TLK1: variants seen among roughly 807,000 people sequenced by gnomAD.
The protein encoded by TLK1 is serine/threonine-protein kinase tousled-like 1.
A neutral mutation model predicts 105.3 loss-of-function variants in TLK1; 24 were observed. The ratio of observed to expected loss-of-function variants is 0.23; its 90% confidence interval spans 0.17 to 0.32. TLK1 has a LOEUF of 0.32. Among genes scored for constraint, TLK1 ranks in the 10% least tolerant of loss-of-function variants. The pLI is 1.00. For missense variants in TLK1, 558 were observed against 910.5 expected (o/e 0.61, Z 4.98); for synonymous variants, 321 against 310.4 (o/e 1.03, Z -0.36).
At position 171,006,405 on chromosome 2, in the gene TLK1, A is replaced by G. The variant is rs528725292; in HGVS notation, c.1768+69T>C. 3.7e-5 allele frequency: 56 copies of G among 1,495,008 alleles called. 1 individual carries two copies. The Admixed American group carries it at 1.2e-3, about 32-fold the overall frequency. 92.6% of individuals were successfully genotyped at this position (1,495,008 alleles called of 1,614,324 possible). On this transcript the variant is annotated intron_variant, in intron 17 of 20. Coordinates refer to ENST00000431350, the MANE Select transcript of TLK1 (RefSeq NM_012290.5). ...GAGAAACCAAAAAACATGTTTTCAG[A>G]TAACTTAATGAATGACTTTTAAAAA...
In TLK1 at chr2:170,993,669, A is replaced by T. The variant is rs1683893265; in HGVS notation, c.*111T>A. The T allele has an allele frequency of 5.7e-5, 4 of 70,026 alleles. No homozygotes were observed. Among genetic ancestry groups the T allele is most frequent in the South Asian group, 6.1e-4 (2 of 3,298 alleles). The allele number at this position is 70,026 out of a possible 1,614,324, so 4.3% of individuals were successfully genotyped here. ...AACAGTTCTTAACCACGTCTTGTGTAAAAAAAAAAAAAAAAAAAAAAGAAA... is the reference window on the plus strand; with the variant it reads ...AACAGTTCTTAACCACGTCTTGTGTTAAAAAAAAAAAAAAAAAAAAAGAAA... On this transcript the variant is annotated 3_prime_UTR_variant, in exon 21 of 21. Transcript: ENST00000431350.
intron 11 of TLK1, chr2:171,045,951 A>C: frequency 2.5e-6 from 1 of 399,582 alleles, no homozygotes. Context: ...CCTCTTAGCT[A>C]CCTAGGTCTC....
At chr2:171,150,311 T>C (rs1364811100) in intron 1 of TLK1, among the ~76,000 whole-genome samples, 2 of 152,346 alleles carry the variant, frequency 1.3e-5, no homozygotes, top group Non-Finnish European at 2.9e-5. Context: ...AAGGAGGCTT[T>C]TACTCAGTTA....
At chr2:171,150,587 AT>A (rs1691993337) in intron 1 of TLK1, among the ~76,000 whole-genome samples, 1 of 152,218 alleles carries the variant, frequency 6.6e-6, no homozygotes, top group South Asian at 2.1e-4. Flanking sequence ...ATCAGAATTG[AT>A]TACCAACAAC....
chr2:171,012,801 T>C lies in TLK1; in HGVS notation c.1335-1347A>G, dbSNP rs185092669. Among the ~76,000 whole-genome samples, 5 of 152,282 alleles carry C rather than the reference T, an allele frequency of 3.3e-5. No individual in the cohort carries two copies. In the East Asian group the frequency reaches 5.8e-4, roughly 18 times the overall value. On this transcript the variant is annotated intron_variant, in intron 13 of 20. Coordinates refer to ENST00000431350, the MANE Select transcript of TLK1 (RefSeq NM_012290.5). ...CAAAATACATTGTATTTTATTATTT[T>C]TTTCAAGATCAATTGACTCTAGATT...
At chr2:171,063,859 T>C (rs1687867781) in intron 3 of TLK1, among the ~76,000 whole-genome samples, 3 of 152,238 alleles carry the variant, frequency 2.0e-5, no homozygotes, top group Admixed American at 2.0e-4. Flanking sequence ...GGTGGGAAGA[T>C]ACAATAAATT....
chr2:171,113,370 A>G (rs1690266388), intron 2 of TLK1, among the ~76,000 whole-genome samples: 1 of 151,712 alleles, frequency 6.6e-6, no homozygotes, highest in African/African-American at 2.4e-5. Flanking sequence ...TCCTGGGTTC[A>G]AGCAATTCTC....
chr2:171,050,650 T>C (rs978423714), intron 8 of TLK1, among the ~76,000 whole-genome samples: 1 of 152,242 alleles, frequency 6.6e-6, no homozygotes, highest in Non-Finnish European at 1.5e-5. Context: ...ACTGAACTTA[T>C]AAATGACATA....
At chr2:171,087,396 GA>G (rs1442453553) in intron 2 of TLK1, among the ~76,000 whole-genome samples, 3 of 151,976 alleles carry the variant, frequency 2.0e-5, no homozygotes, top group Non-Finnish European at 1.5e-5. Flanking sequence ...CAGAAGAATG[GA>G]AAAAGAGTAC....
At position 171,050,096 on chromosome 2, in the gene TLK1, T is replaced by G. The variant is rs144361849; in HGVS notation, c.811A>C (p.Ile271Leu). The G allele has an allele frequency of 2.5e-6, 4 of 1,601,352 alleles. No homozygotes were observed. The highest frequency in any genetic ancestry group is 1.7e-6 in the Non-Finnish European group (2 of 1,172,016). ...EKYKERLNKCISMSKKLLIEK... is the reference protein window; with the variant it reads ...EKYKERLNKCLSMSKKLLIEK... Reference sequence around the variant, plus strand: ...ATAAGAAGTTTCTTGCTCATTGATATGCACTTATTTAATCGTTCTTTGTAT... The same window carrying G: ...ATAAGAAGTTTCTTGCTCATTGATAGGCACTTATTTAATCGTTCTTTGTAT... Residue 271 changes from isoleucine to leucine, a missense_variant, in exon 9 of 21, where the codon ATA (isoleucine) becomes CTA (leucine). By Grantham distance (5) the Ile-to-Leu change is conservative. This residue lies in a region of TLK1 where 196 missense variants were observed against 239.3 expected (regional missense o/e 0.82). Transcript: ENST00000431350.
At chr2:171,027,609 T>C (rs957870918) in intron 12 of TLK1, among the ~76,000 whole-genome samples, 1 of 152,182 alleles carries the variant, frequency 6.6e-6, no homozygotes, top group Non-Finnish European at 1.5e-5. Flanking sequence ...AATTAAAAGA[T>C]AAGCCAAAGA....
chr2:171,208,360 T>C (rs1693547208), intron 1 of TLK1, among the ~76,000 whole-genome samples: 1 of 5,434 alleles, frequency 1.8e-4, no homozygotes, highest in South Asian at 0.12. Flanking sequence ...TTTAAATCAT[T>C]GAAGGATTTT....
At chr2:171,142,455 C>T (rs1691617984) in intron 1 of TLK1, among the ~76,000 whole-genome samples, 1 of 151,912 alleles carries the variant, frequency 6.6e-6, no homozygotes, top group Admixed American at 6.6e-5. Context: ...ATGCAAACAC[C>T]AAATGAAAGT....
At chr2:171,152,674 A>C (rs1206124091) in intron 1 of TLK1, among the ~76,000 whole-genome samples, 1 of 152,196 alleles carries the variant, frequency 6.6e-6, no homozygotes, top group East Asian at 1.9e-4. Context: ...AAAGCATTAT[A>C]ATTTAGTTTA....
chr2:171,129,090 C>G (rs1690989955), intron 1 of TLK1, among the ~76,000 whole-genome samples: 1 of 152,132 alleles, frequency 6.6e-6, no homozygotes, highest in South Asian at 2.1e-4. Flanking sequence ...AAACAGGAAT[C>G]TGGTAAAACT....
At chr2:171,221,865 T>A (rs1326739579) in intron 1 of TLK1, among the ~76,000 whole-genome samples, 1 of 152,226 alleles carries the variant, frequency 6.6e-6, no homozygotes, top group Non-Finnish European at 1.5e-5. Context: ...TTATTGGGCC[T>A]TATTTAACCA....
chr2:171,168,580 A>G (rs1334299581), intron 1 of TLK1, among the ~76,000 whole-genome samples: 1 of 152,080 alleles, frequency 6.6e-6, no homozygotes, highest in Non-Finnish European at 1.5e-5. Flanking sequence ...TCAATGAACC[A>G]TGAATCACTG....
intron 1 of TLK1, among the ~76,000 whole-genome samples, chr2:171,205,400 G>A (rs1207067814): frequency 6.6e-6 from 1 of 151,390 alleles, no homozygotes; most frequent in Non-Finnish European, 1.5e-5. Context: ...TGAGCTTACT[G>A]CAGCCTTGAC....
chr2:171,039,680 T>C (rs144261361), intron 11 of TLK1, among the ~76,000 whole-genome samples: 139 of 152,346 alleles, frequency 9.1e-4, no homozygotes, highest in African/African-American at 3.1e-3. Context: ...ATACTGCTTA[T>C]GCTGCATTCA....
Sources: gnomAD v4.1 joint callset for allele counts (sites outside exome capture counted in the v4.1 genomes callset) on GRCh38, gnomAD v4.1.1 for gene constraint, gnomAD v4.1.1 regional missense constraint, MANE v1.5 for transcripts, NCBI Gene and HGNC (gene_info 2026-07-23, HGNC 2026-07-21) for gene names.